The following INTS1 variants were observed in gnomAD, a reference collection of about 807,000 sequenced individuals.
INTS1 encodes integrator complex subunit 1.
In INTS1, 137 loss-of-function variants were observed where a neutral mutation model predicts 241.6. The ratio of observed to expected loss-of-function variants is 0.57; its 90% CI spans 0.49 to 0.65. The LOEUF (loss-of-function observed/expected upper bound fraction) is 0.65, where lower values mean the gene tolerates loss of function less well. Among genes scored for constraint, INTS1 ranks in the 30% least tolerant of loss-of-function variants. INTS1 has a pLI of 0.00. For missense variants in INTS1, 3,073 were observed against 3,032.2 expected (o/e 1.01, Z -0.32); for synonymous variants, 1,692 against 1,337.8 (o/e 1.26, Z -5.78).
chr7:1,477,790 G>C lies in INTS1; in HGVS notation c.4777C>G (p.Pro1593Ala). The change falls in exon 34 of 48, where the codon CCC becomes GCC. Residue 1593 changes from proline (P) to alanine (A), a missense_variant. Physicochemically the swap from Pro to Ala is conservative, Grantham distance 27. Coordinates refer to ENST00000404767, the MANE Select transcript of INTS1 (RefSeq NM_001080453.3). ...GCACCCGGCTTCCCCCCAGCCAGGG[G>C]CTCCTCCTCCTGCAGCAGCAGGGAG... ...VSSLLLQEEE[P>A]LAGGKPGADG... 1 of 1,612,516 alleles carries C rather than the reference G, an allele frequency of 6.2e-7. No individual in the cohort carries two copies. The highest frequency in any genetic ancestry group is 1.1e-5 in the South Asian group (1 of 91,082).
Position 1,476,381 on chromosome 7 carries a change from C to T in INTS1, c.5226G>A (p.Glu1742=), listed in dbSNP as rs941351935. 1 of 1,577,322 alleles carries T rather than the reference C, an allele frequency of 6.3e-7. No individual in the cohort carries two copies. Among genetic ancestry groups the T allele is most frequent in the Non-Finnish European group, 8.6e-7 (1 of 1,166,710 alleles). The change falls in exon 38 of 48, where the codon GAG becomes GAA. Residue 1742 remains glutamate (E), a synonymous_variant. Transcript: ENST00000404767. ...LISLVELILA[E]AETRSQDGDT... is the part of the protein sequence containing the mutation. ...CCCCGTCCTGGCTCCGCGTCTCCGC[C>T]TCGGCCAGGATCAGCTCCACCAGGC... is the stretch of plus-strand genomic sequence containing the variant.
chr7:1,481,919 G>A lies in INTS1; in HGVS notation c.3704-431C>T, dbSNP rs1387633449. ...TGGGTGGGCGCTCCAGAGGGCCTATGGTGGCACGGCGCAGTACACTTCCGA... is the reference window on the plus strand; with the variant it reads ...TGGGTGGGCGCTCCAGAGGGCCTATAGTGGCACGGCGCAGTACACTTCCGA... On this transcript the variant is annotated intron_variant, in intron 27 of 47. Transcript: ENST00000404767. The surrounding 1 kb of genome is among the most constrained non-coding windows in gnomAD (Gnocchi z 6.8). Among the ~76,000 whole-genome samples, 2 of 152,150 alleles carry A rather than the reference G, an allele frequency of 1.3e-5. No individual in the cohort carries two copies. The highest frequency in any genetic ancestry group is 3.9e-4 in the East Asian group (2 of 5,182).
chr7:1,491,947 G>C (rs1007341464), intron 16 of INTS1, among the ~76,000 whole-genome samples: 5 of 152,166 alleles, frequency 3.3e-5, no homozygotes, highest in African/African-American at 1.2e-4. Flanking sequence ...GTGAGATACC[G>C]TCTCACCCCA....
chr7:1,494,981 G>A (rs1189555649), intron 13 of INTS1, 88 bp from the exon 14 acceptor site: 33 of 1,467,280 alleles, frequency 2.2e-5, no homozygotes, highest in African/African-American at 4.2e-5. Context: ...CCGCTCCCAC[G>A]GGCCCCAGCG....
intron 27 of INTS1, 62 bp downstream of exon 27, chr7:1,482,484 C>A: frequency 6.6e-7 from 1 of 1,510,704 alleles, no homozygotes; most frequent in Non-Finnish European, 8.9e-7. Flanking sequence ...CCACAAGGAG[C>A]AGGCAAGGGG....
rs960299814 is a variant in INTS1 at position 1,497,562 on chromosome 7, T to C, written c.1426-248A>G. Among the ~76,000 whole-genome samples, 7 of 152,056 alleles carry C rather than the reference T, an allele frequency of 4.6e-5. No homozygotes were observed. The highest frequency in any genetic ancestry group is 1.7e-4 in the African/African-American group (7 of 41,408). ...GTCCTCGTGAAATGAGGAGGATTAA[T>C]TAACGGAAGCTGGGGGTGCGGGACA... is the stretch of plus-strand genomic sequence containing the variant. On this transcript the variant is annotated intron_variant, in intron 10 of 47. Coordinates refer to ENST00000404767, the MANE Select transcript of INTS1 (RefSeq NM_001080453.3). This position sits in a 1 kb window ranked among gnomAD's most constrained non-coding sequence, Gnocchi z 5.3.
intron 26 of INTS1, 129 bp from the exon 27 acceptor site, chr7:1,482,836 T>C (rs1583116161): frequency 9.0e-7 from 1 of 1,115,560 alleles, no homozygotes; most frequent in East Asian, 2.4e-5. Flanking sequence ...AGCACGGGGC[T>C]CCTGTGCTAG....
At chr7:1,475,842 GA>G in intron 39 of INTS1, 105 bp downstream of exon 39, 3 of 1,379,682 alleles carry the variant, frequency 2.2e-6, no homozygotes, top group Non-Finnish European at 2.9e-6. Flanking sequence ...GAAGGGGCAA[GA>G]GGGGTAGCCG....
rs561190996 is a variant in INTS1 at position 1,471,028 on chromosome 7, C to A, written c.6348-73G>T. ...CCAGACCCCCACCCGACAGGGCGAG[C>A]TGAGCCGCCTGGAAGCCTGGTCTGG... On this transcript the variant is annotated intron_variant, in intron 46 of 47. Transcript: ENST00000404767. 1.7e-4 allele frequency: 256 copies of A among 1,512,794 alleles called. 1 individual carries two copies. The African/African-American group carries it at 3.1e-3, about 18-fold the overall frequency. The allele number at this position is 1,512,794 out of a possible 1,614,324, so 93.7% of individuals were successfully genotyped here.
chr7:1,489,462 C>G (rs1332930393), intron 17 of INTS1, 58 bp from the exon 18 acceptor site: 2 of 1,548,590 alleles, frequency 1.3e-6, no homozygotes, highest in South Asian at 2.4e-5. Flanking sequence ...GGCGTGTGAC[C>G]CCCGCTTCTC....
At chr7:1,503,608 C>T (rs1379340258) in intron 2 of INTS1, among the ~76,000 whole-genome samples, 1 of 152,252 alleles carries the variant, frequency 6.6e-6, no homozygotes, top group Non-Finnish European at 1.5e-5. Context: ...CTACGCTACA[C>T]TGTGCTGCCT....
chr7:1,504,127 G>C (rs1364858305), intron 1 of INTS1, 126 bp from the exon 2 acceptor site: 4 of 579,772 alleles, frequency 6.9e-6, no homozygotes, highest in Admixed American at 3.8e-5. Context: ...CGCCCGGCGG[G>C]GCGATGCTGC....
rs774865794 is a variant in INTS1, at chr7:1,485,424, C to T, written c.3022G>A (p.Glu1008Lys). The T allele has an allele frequency of 6.2e-7, 1 of 1,611,214 alleles. No homozygotes were observed. The highest frequency in any genetic ancestry group is 8.5e-7 in the Non-Finnish European group (1 of 1,178,888). The change falls in exon 23 of 48, where the codon GAG becomes AAG. Residue 1008 changes from glutamate (E) to lysine (K), a missense_variant. Glu to Lys is a moderately conservative substitution (Grantham distance 56). Transcript: ENST00000404767. Reference sequence around the variant, plus strand: ...TCCTCCTCCATGGGGGGCTCCTTCTCCTCCCCGTCCCGCAGGCTGCCCTCC... The same window carrying T: ...TCCTCCTCCATGGGGGGCTCCTTCTTCTCCCCGTCCCGCAGGCTGCCCTCC... ...LSEGSLRDGE[E>K]KEPPMEEDVG...
At chr7:1,496,319 C>T in intron 11 of INTS1, 55 bp from the exon 12 acceptor site, 1 of 929,964 alleles carries the variant, frequency 1.1e-6, no homozygotes, top group Admixed American at 2.0e-5. Context: ...AGCCCCACTC[C>T]ACACCCACGT....
intron 16 of INTS1, among the ~76,000 whole-genome samples, chr7:1,489,983 C>A (rs902148420): frequency 9.2e-5 from 14 of 152,100 alleles, no homozygotes; most frequent in African/African-American, 3.4e-4. Context: ...CTCTACATGA[C>A]ATAACAGACA....
chr7:1,477,026 G>C (rs1781757880), intron 35 of INTS1, 108 bp from the exon 36 acceptor site: 14 of 1,360,494 alleles, frequency 1.0e-5, no homozygotes, highest in African/African-American at 4.3e-5. Context: ...CCGAGGCTTG[G>C]GGTGCTGCCG....
rs1274523099 is a variant in INTS1 at position 1,493,088 on chromosome 7, A to C, written c.2087T>G (p.Val696Gly). The change falls in exon 16 of 48, where the codon GTG (valine) becomes GGG (glycine). Residue 696 changes from valine to glycine, a missense_variant. By Grantham distance (109) the Val-to-Gly change is moderately radical. Coordinates refer to ENST00000404767, the MANE Select transcript of INTS1 (RefSeq NM_001080453.3). The surrounding 1 kb of genome is among the most constrained non-coding windows in gnomAD (Gnocchi z 5.3). ...VQADDVEVLK[V>G]GRTQLIDAVL... is the part of the protein sequence containing the mutation. ...GGCGTCGATCAGCTGGGTCCTCCCC[A>C]CCTTCAGCACCTCCACATCTAAGAC... The C allele has an allele frequency of 3.1e-6, 5 of 1,613,330 alleles. No individual in the cohort carries two copies. The highest frequency in any genetic ancestry group is 1.6e-4 in the Middle Eastern group (1 of 6,062).
intron 23 of INTS1, 39 bp downstream of exon 23, chr7:1,485,251 C>G: frequency 6.3e-7 from 1 of 1,597,168 alleles, no homozygotes; most frequent in Non-Finnish European, 8.5e-7. Flanking sequence ...CTGCGGCCCT[C>G]TCATCTTTCC....
At position 1,481,123 on chromosome 7, in the gene INTS1, G is replaced by A; in HGVS notation, c.3851-190C>T. ...CCTCCAAGCTCAAAACACGGCCCTA[G>A]GGGGTGCCTGGCCCCAGGGTTGGGG... On this transcript the variant is annotated intron_variant, in intron 28 of 47. Transcript: ENST00000404767. The surrounding 1 kb of genome is among the most constrained non-coding windows in gnomAD (Gnocchi z 6.8). The A allele has an allele frequency of 1.4e-6, 1 of 705,202 alleles. No individual in the cohort carries two copies. Among genetic ancestry groups the A allele is most frequent in the Non-Finnish European group, 2.5e-6 (1 of 407,424 alleles). 43.7% of individuals were successfully genotyped at this position (705,202 alleles called of 1,614,324 possible). A position where few individuals can be genotyped will look rare whatever the true frequency, so the allele number is the denominator to read the frequency against.
Sources: gnomAD v4.1 joint callset for allele counts (sites outside exome capture counted in the v4.1 genomes callset) on GRCh38, gnomAD v4.1.1 for gene constraint, Gnocchi (gnomAD v3.1) non-coding constraint, MANE v1.5 for transcripts, NCBI Gene and HGNC (gene_info 2026-07-23, HGNC 2026-07-21) for gene names.